The following TMEM108 variants were observed in gnomAD, a reference collection of about 807,000 sequenced individuals.
The protein encoded by TMEM108 is cancer/testis antigen 124.
TMEM108 carries 12 observed loss-of-function variants against 35.1 expected under a neutral mutation model. The observed-to-expected ratio is 0.34, with a 90% CI of 0.22 to 0.55. The LOEUF is 0.55. Ranked by LOEUF, TMEM108 falls within the 20% of genes least tolerant of loss-of-function variation. The pLI, the probability that TMEM108 is intolerant of heterozygous loss-of-function variation, is 0.89. For missense variants in TMEM108, 680 were observed against 753.3 expected (o/e 0.90, Z 1.14); for synonymous variants, 287 against 308.6 (o/e 0.93, Z 0.73).
intron 5 of TMEM108, 91 bp downstream of exon 5, chr3:133,390,425 C>T: frequency 7.0e-7 from 1 of 1,430,278 alleles, no homozygotes; most frequent in Non-Finnish European, 9.6e-7. Flanking sequence ...TGCCTTGCTC[C>T]TTAACGTATG....
chr3:133,193,571 C>T (rs1471862424), intron 2 of TMEM108, among the ~76,000 whole-genome samples: 1 of 152,112 alleles, frequency 6.6e-6, no homozygotes, highest in Admixed American at 6.5e-5. Context: ...ATAAGATTGC[C>T]GATACCTATT....
intron 2 of TMEM108, among the ~76,000 whole-genome samples, chr3:133,071,238 TTA>T (rs1488871847): frequency 6.6e-6 from 1 of 152,154 alleles, no homozygotes; most frequent in African/African-American, 2.4e-5. Flanking sequence ...ATGGATTTTG[TTA>T]TGATTCTAAA....
chr3:133,181,036 A>AAAAAAAAAAAAAAAAAAG (rs1945335479), intron 2 of TMEM108, among the ~76,000 whole-genome samples: 1 of 130,902 alleles, frequency 7.6e-6, no homozygotes, highest in Non-Finnish European at 1.7e-5. Flanking sequence ...AAAAAAAAAA[A>AAAAAAAAAAAAAAAAAAG]AACAGCACTC....
chr3:133,062,956 C>T (rs1335349381), intron 2 of TMEM108, among the ~76,000 whole-genome samples: 2 of 152,150 alleles, frequency 1.3e-5, no homozygotes, highest in African/African-American at 4.8e-5. Flanking sequence ...GTGGTTATGA[C>T]AATTGACTGT....
intron 3 of TMEM108, among the ~76,000 whole-genome samples, chr3:133,351,812 T>G (rs1328555241): frequency 1.3e-5 from 2 of 152,080 alleles, no homozygotes; most frequent in Admixed American, 6.5e-5. Context: ...AGGACATCAC[T>G]CTCCCTACCA....
At chr3:133,208,410 G>A (rs769039242) in intron 2 of TMEM108, among the ~76,000 whole-genome samples, 1 of 152,194 alleles carries the variant, frequency 6.6e-6, no homozygotes, top group African/African-American at 2.4e-5. Context: ...GTGTAAACTT[G>A]GGTTTGCCAC....
At chr3:133,216,108 C>G (rs1390974804) in intron 2 of TMEM108, among the ~76,000 whole-genome samples, 1 of 151,996 alleles carries the variant, frequency 6.6e-6, no homozygotes, top group East Asian at 1.9e-4. Context: ...TCCTTACTTG[C>G]TCTTCATGTA....
At chr3:133,222,029 A>C (rs916552462) in intron 2 of TMEM108, among the ~76,000 whole-genome samples, 1 of 152,088 alleles carries the variant, frequency 6.6e-6, no homozygotes, top group African/African-American at 2.4e-5. Flanking sequence ...TTATGCTTTC[A>C]TATGTTTTCT....
intron 2 of TMEM108, among the ~76,000 whole-genome samples, chr3:133,060,717 G>A (rs1943525074): frequency 6.6e-6 from 1 of 152,074 alleles, no homozygotes. Context: ...AGGCAGTTTG[G>A]CAAGATACAT....
At chr3:133,129,037 A>C (rs969351236) in intron 2 of TMEM108, among the ~76,000 whole-genome samples, 4 of 152,102 alleles carry the variant, frequency 2.6e-5, no homozygotes, top group African/African-American at 9.7e-5. Flanking sequence ...TAAAGTCCCC[A>C]ATGACCTCCT....
At chr3:133,054,715 A>G (rs1482966136) in intron 2 of TMEM108, among the ~76,000 whole-genome samples, 7 of 152,224 alleles carry the variant, frequency 4.6e-5, no homozygotes, top group Admixed American at 6.5e-5. Context: ...GTCTTTATTT[A>G]TGACTCTGTG....
At chr3:133,223,037 G>C (rs1946015622) in intron 2 of TMEM108, among the ~76,000 whole-genome samples, 1 of 152,004 alleles carries the variant, frequency 6.6e-6, no homozygotes, top group Non-Finnish European at 1.5e-5. Context: ...TGCCCAGGCT[G>C]GTTATACAAT....
At chr3:133,154,628 G>A (rs530766250) in intron 2 of TMEM108, among the ~76,000 whole-genome samples, 309 of 151,908 alleles carry the variant, frequency 2.0e-3, no homozygotes, top group Middle Eastern at 0.01. Flanking sequence ...ACCAAACACC[G>A]CATGTTCTCA....
At chr3:133,178,669 TA>T (rs1291512181) in intron 2 of TMEM108, among the ~76,000 whole-genome samples, 11 of 152,190 alleles carry the variant, frequency 7.2e-5, no homozygotes, top group African/African-American at 2.4e-4. Context: ...CAAGGTGGAT[TA>T]AAGACTTAAA....
chr3:133,083,890 A>G (rs1187741218), intron 2 of TMEM108, among the ~76,000 whole-genome samples: 2 of 151,958 alleles, frequency 1.3e-5, no homozygotes, highest in African/African-American at 4.8e-5. Context: ...AAAAAAAGGC[A>G]TATGGTAATC....
intron 3 of TMEM108, among the ~76,000 whole-genome samples, chr3:133,356,135 C>T (rs568723789): frequency 6.6e-6 from 1 of 151,926 alleles, no homozygotes; most frequent in African/African-American, 2.4e-5. Context: ...TCTCAAGTTA[C>T]AAAATCAATG....
intron 2 of TMEM108, among the ~76,000 whole-genome samples, chr3:133,176,180 T>C (rs1177026838): frequency 6.6e-6 from 1 of 152,118 alleles, no homozygotes; most frequent in Non-Finnish European, 1.5e-5. Context: ...AGCAAGTCCT[T>C]AGAGACCTAC....
At chr3:133,340,617 A>C (rs886293809) in intron 3 of TMEM108, among the ~76,000 whole-genome samples, 1 of 151,720 alleles carries the variant, frequency 6.6e-6, no homozygotes, top group Non-Finnish European at 1.5e-5. Context: ...TCAAAAAAAA[A>C]CAAACAAAAA....
intron 2 of TMEM108, among the ~76,000 whole-genome samples, chr3:133,183,195 C>G (rs1021250477): frequency 1.3e-5 from 2 of 152,052 alleles, no homozygotes; most frequent in Non-Finnish European, 2.9e-5. Flanking sequence ...GGTGCTCAAC[C>G]TATAGTTGGG....
Sources: allele counts gnomAD v4.1 joint callset (sites outside exome capture counted in the v4.1 genomes callset), GRCh38; gene constraint gnomAD v4.1.1; transcripts MANE v1.5; gene names NCBI Gene and HGNC (gene_info 2026-07-23, HGNC 2026-07-21).